Variants in MARK1 observed in about 807,000 individuals in gnomAD.
The protein encoded by MARK1 is microtubule affinity regulating kinase 1.
Under a neutral mutation model 96.3 loss-of-function variants are expected in MARK1, and 40 were observed. The observed-to-expected ratio is 0.42, with a 90% CI of 0.32 to 0.54. The LOEUF is 0.54. Ranked by LOEUF, MARK1 falls within the 20% of genes least tolerant of loss-of-function variation. The probability of loss-of-function intolerance (pLI) is 0.16; values close to 1 mark genes in which losing one functional copy is unlikely to be tolerated. For missense variants in MARK1, 719 were observed against 984.6 expected, an observed-to-expected ratio of 0.73 and a Z score of 3.61; for synonymous variants, 317 against 341.2, an observed-to-expected ratio of 0.93 and a Z score of 0.78.
chr1:220,529,604 A>C (rs1381883431), intron 1 of MARK1, among the ~76,000 whole-genome samples: 1 of 152,170 alleles, frequency 6.6e-6, no homozygotes, highest in African/African-American at 2.4e-5. Context: ...TACTTTAAAT[A>C]TCTCTCCTCC....
At chr1:220,615,107 T>A (rs1376898313) in intron 6 of MARK1, among the ~76,000 whole-genome samples, 1 of 152,202 alleles carries the variant, frequency 6.6e-6, no homozygotes, top group Admixed American at 6.5e-5. Context: ...AAAATAGTTC[T>A]TAATTGATTG....
chr1:220,555,576 G>T lies in MARK1; in HGVS notation c.52-23778G>T, dbSNP rs73093515. ...ACTTGATTTGAGGAGTTAGGGTGAG[G>T]AAGAAGAAAACCAAAAATAACTAAT... On this transcript the variant is annotated intron_variant, in intron 1 of 17. Transcript: ENST00000366917. Among the ~76,000 whole-genome samples the T allele has an allele frequency of 3.7e-3, 556 of 152,216 alleles. 5 individuals carry two copies. Among genetic ancestry groups the T allele is most frequent in the African/African-American group, 0.013 (525 of 41,540 alleles).
At chr1:220,593,853 C>T (rs1399418559) in intron 3 of MARK1, among the ~76,000 whole-genome samples, 3 of 152,180 alleles carry the variant, frequency 2.0e-5, no homozygotes, top group Non-Finnish European at 4.4e-5. Context: ...GGCATCCTTT[C>T]TGTGTCAGAG....
intron 13 of MARK1, among the ~76,000 whole-genome samples, chr1:220,646,518 C>A (rs1471308832): frequency 2.0e-5 from 3 of 152,142 alleles, no homozygotes; most frequent in African/African-American, 4.8e-5. Context: ...TCCCATTAAA[C>A]CACCATTGAC....
At chr1:220,588,195 T>G (rs951172059) in intron 3 of MARK1, among the ~76,000 whole-genome samples, 13 of 152,232 alleles carry the variant, frequency 8.5e-5, no homozygotes, top group Non-Finnish European at 1.9e-4. Flanking sequence ...CTTTCTGAAA[T>G]TATTTAACTT....
At chr1:220,595,074 G>C (rs1219685908) in intron 3 of MARK1, among the ~76,000 whole-genome samples, 3 of 152,186 alleles carry the variant, frequency 2.0e-5, no homozygotes, top group Non-Finnish European at 4.4e-5. Context: ...GGATGTTGAT[G>C]GTGGGGGAGG....
chr1:220,592,223 TTA>T (rs1491252310), intron 3 of MARK1, among the ~76,000 whole-genome samples: 25 of 50,854 alleles, frequency 4.9e-4, no homozygotes, highest in African/African-American at 2.1e-3. Flanking sequence ...TTATATCATA[TTA>T]TATTATATTA....
At chr1:220,646,517 A>C (rs1419643025) in intron 13 of MARK1, among the ~76,000 whole-genome samples, 1 of 152,202 alleles carries the variant, frequency 6.6e-6, no homozygotes, top group African/African-American at 2.4e-5. Context: ...TTCCCATTAA[A>C]CCACCATTGA....
chr1:220,607,378 C>A (rs1666146639), intron 6 of MARK1, among the ~76,000 whole-genome samples: 1 of 152,074 alleles, frequency 6.6e-6, no homozygotes, highest in South Asian at 2.1e-4. Context: ...CATTTTGTAT[C>A]CTGATACTTT....
intron 1 of MARK1, among the ~76,000 whole-genome samples, chr1:220,556,738 A>G (rs1431787654): frequency 6.6e-6 from 1 of 152,224 alleles, no homozygotes; most frequent in Non-Finnish European, 1.5e-5. Flanking sequence ...TAGAAATTAT[A>G]GAAATGAAGT....
intron 13 of MARK1, among the ~76,000 whole-genome samples, chr1:220,639,707 C>G (rs886915403): frequency 6.6e-6 from 1 of 152,160 alleles, no homozygotes; most frequent in Admixed American, 6.5e-5. Flanking sequence ...TGGCACTCAC[C>G]TCACCTAAAA....
At chr1:220,652,602 A>T (rs368178612) in intron 15 of MARK1, among the ~76,000 whole-genome samples, 57 of 152,248 alleles carry the variant, frequency 3.7e-4, no homozygotes, top group Middle Eastern at 3.4e-3. Flanking sequence ...AAATTGTATA[A>T]TTGTTTTTCT....
intron 9 of MARK1, among the ~76,000 whole-genome samples, chr1:220,623,955 T>C (rs1294942313): frequency 6.6e-6 from 1 of 152,230 alleles, no homozygotes; most frequent in Non-Finnish European, 1.5e-5. Flanking sequence ...AGTTGTTCTT[T>C]TGGTCTTTAT....
chr1:220,624,729 CAAAT>C (rs1667232842), intron 9 of MARK1, among the ~76,000 whole-genome samples: 1 of 152,116 alleles, frequency 6.6e-6, no homozygotes, highest in South Asian at 2.1e-4. Flanking sequence ...AAGTGAGCAC[CAAAT>C]AAATACAACT....
Position 220,652,135 on chromosome 1 carries a change from A to G in MARK1, c.1721A>G (p.Glu574Gly). ...VTLPTIKDGS[E>G]AYRPGTTQRV... ...CTGCCAACCATTAAAGACGGCTCTG[A>G]AGCTTACCGGCCTGGGTAATGTGTT... is the stretch of plus-strand genomic sequence containing the variant. The change falls in exon 15 of 18, where the codon GAA becomes GGA. Residue 574 changes from glutamate (E) to glycine (G), a missense_variant. Around this residue, in one of 4 missense-constraint regions of MARK1, gnomAD observed 501 missense variants for 588.3 expected, o/e 0.85. Coordinates refer to ENST00000366917, the MANE Select transcript of MARK1 (RefSeq NM_018650.5). 6.2e-7 allele frequency: 1 copy of G among 1,608,066 alleles called. No individual in the cohort carries two copies. The highest frequency in any genetic ancestry group is 8.5e-7 in the Non-Finnish European group (1 of 1,175,092).
At chr1:220,624,819 C>T (rs964461273) in intron 9 of MARK1, among the ~76,000 whole-genome samples, 2 of 152,170 alleles carry the variant, frequency 1.3e-5, no homozygotes, top group African/African-American at 4.8e-5. Context: ...TCTGCTATTG[C>T]TCCTATATTT....
intron 17 of MARK1, among the ~76,000 whole-genome samples, chr1:220,660,665 T>C (rs1669429431): frequency 6.6e-6 from 1 of 152,166 alleles, no homozygotes; most frequent in South Asian, 2.1e-4. Flanking sequence ...TCTATTAACT[T>C]TGATGAAGCT....
At chr1:220,602,578 C>A (rs1665819140) in intron 5 of MARK1, among the ~76,000 whole-genome samples, 1 of 152,026 alleles carries the variant, frequency 6.6e-6, no homozygotes, top group African/African-American at 2.4e-5. Context: ...TCTTTCCTAG[C>A]CTAAACTCAG....
At chr1:220,538,025 G>A (rs1429906260) in intron 1 of MARK1, among the ~76,000 whole-genome samples, 3 of 151,654 alleles carry the variant, frequency 2.0e-5, no homozygotes, top group Non-Finnish European at 3.0e-5. Context: ...AATTTTGTAG[G>A]TTACCTGTTT....
Sources: allele counts gnomAD v4.1 joint callset (sites outside exome capture counted in the v4.1 genomes callset), GRCh38; gene constraint gnomAD v4.1.1; regional missense constraint gnomAD v4.1.1; transcripts MANE v1.5; gene names NCBI Gene and HGNC (gene_info 2026-07-23, HGNC 2026-07-21).